The following DLC1 variants were observed in gnomAD, a reference collection of about 807,000 sequenced individuals.
The protein encoded by DLC1 is DLC1 Rho GTPase activating protein.
In DLC1, 54 loss-of-function variants were observed where a neutral mutation model predicts 140.3. That is an observed-to-expected ratio of 0.38 (90% CI 0.31 to 0.48). DLC1 has a LOEUF of 0.48. Ranked by LOEUF, DLC1 falls within the 20% of genes least tolerant of loss-of-function variation. DLC1 has a pLI of 0.96. For synonymous variants in DLC1, 986 were observed against 728.1 expected, an observed-to-expected ratio of 1.35 and a Z score of -5.70; for missense variants, 2,536 against 1,907.0, an observed-to-expected ratio of 1.33 and a Z score of -6.14.
chr8:13,439,842 A>C (rs1456702098), intron 2 of DLC1, among the ~76,000 whole-genome samples: 1 of 152,082 alleles, frequency 6.6e-6, no homozygotes, highest in African/African-American at 2.4e-5. Flanking sequence ...TTCACTACTC[A>C]TCTGTGATGA....
Position 13,566,857 on chromosome 8 carries a change from G to A in DLC1, c.-126+37680C>T, listed in dbSNP as rs1013552353. The A allele has an allele frequency of 1.7e-5, 20 of 1,167,908 alleles. No individual in the cohort carries two copies. The Admixed American group carries it at 2.3e-4, about 13-fold the overall frequency. The allele number at this position is 1,167,908 out of a possible 1,614,324, so 72.3% of individuals were successfully genotyped here. ...CCCGCGTTGCCAAGACAGCTGGGAAGGCGTCTCCCGGAAGACGACCTCCGC... is the reference window on the plus strand; with the variant it reads ...CCCGCGTTGCCAAGACAGCTGGGAAAGCGTCTCCCGGAAGACGACCTCCGC... On this transcript the variant is annotated intron_variant, in intron 1 of 1. Coordinates refer to the DLC1 transcript ENST00000631382.
intron 2 of DLC1, among the ~76,000 whole-genome samples, chr8:13,420,675 G>C (rs921084130): frequency 6.6e-6 from 1 of 152,078 alleles, no homozygotes; most frequent in Non-Finnish European, 1.5e-5. Flanking sequence ...CTGTTCCTGA[G>C]TTAGTTTGCT....
intron 5 of DLC1, among the ~76,000 whole-genome samples, chr8:13,169,248 C>G (rs974743752): frequency 1.1e-4 from 17 of 152,158 alleles, no homozygotes; most frequent in African/African-American, 3.6e-4. Context: ...AGATACTATC[C>G]TGAATGTAAT....
chr8:13,600,233 G>A (rs1805829989), intron 1 of DLC1, among the ~76,000 whole-genome samples: 1 of 151,900 alleles, frequency 6.6e-6, no homozygotes, highest in Admixed American at 6.6e-5. Flanking sequence ...CTGTTTCTCA[G>A]ATAGTCTTTT....
At chr8:13,444,467 T>C (rs1439800537) in intron 2 of DLC1, among the ~76,000 whole-genome samples, 5 of 152,146 alleles carry the variant, frequency 3.3e-5, no homozygotes, top group Non-Finnish European at 7.3e-5. Context: ...AAAGAATTCC[T>C]GGTTTTAAGA....
At chr8:13,402,923 A>C (rs543804357) in intron 2 of DLC1, among the ~76,000 whole-genome samples, 6 of 152,338 alleles carry the variant, frequency 3.9e-5, no homozygotes, top group East Asian at 1.9e-4. Context: ...CAGATTGTTA[A>C]TATTACACAG....
intron 5 of DLC1, among the ~76,000 whole-genome samples, chr8:13,217,932 T>C (rs1462117200): frequency 6.6e-6 from 1 of 152,138 alleles, no homozygotes; most frequent in African/African-American, 2.4e-5. Context: ...TTGCGTCCTC[T>C]TTGATTCCTT....
chr8:13,146,524 C>A (rs918445301), intron 5 of DLC1, among the ~76,000 whole-genome samples: 7 of 151,428 alleles, frequency 4.6e-5, no homozygotes, highest in African/African-American at 1.7e-4. Context: ...ATTGTCAAAG[C>A]CAAATAATAT....
At chr8:13,542,695 G>A (rs1163252954) in intron 1 of DLC1, among the ~76,000 whole-genome samples, 2 of 151,918 alleles carry the variant, frequency 1.3e-5, no homozygotes, top group Non-Finnish European at 2.9e-5. Flanking sequence ...TCAGTTTGTA[G>A]GCCTTACATA....
intron 1 of DLC1, among the ~76,000 whole-genome samples, chr8:13,564,854 G>A (rs1012199307): frequency 9.9e-5 from 15 of 152,174 alleles, no homozygotes; most frequent in African/African-American, 3.1e-4. Context: ...AGCAAGGTTA[G>A]GCCAAGAGAG....
chr8:13,109,746 G>T (rs560308254), intron 7 of DLC1, among the ~76,000 whole-genome samples: 1 of 151,746 alleles, frequency 6.6e-6, no homozygotes, highest in Non-Finnish European at 1.5e-5. Flanking sequence ...TTAGCTGGGC[G>T]TGATGGTGGG....
intron 5 of DLC1, among the ~76,000 whole-genome samples, chr8:13,236,357 G>T (rs772414644): frequency 6.6e-6 from 1 of 151,918 alleles, no homozygotes; most frequent in Non-Finnish European, 1.5e-5. Context: ...AGTGAATAGC[G>T]CTATTGTACT....
chr8:13,456,513 G>A (rs1042580059), intron 2 of DLC1, among the ~76,000 whole-genome samples: 9 of 151,652 alleles, frequency 5.9e-5, no homozygotes, highest in South Asian at 2.1e-4. Context: ...AGAGTGGAGC[G>A]CAGGGCTGGA....
chr8:13,404,858 TAGAC>T (rs1837453736), intron 2 of DLC1, among the ~76,000 whole-genome samples: 1 of 151,928 alleles, frequency 6.6e-6, no homozygotes, highest in African/African-American at 2.4e-5. Flanking sequence ...TTTTAAAAAA[TAGAC>T]AGGCATGGTA....
intron 1 of DLC1, among the ~76,000 whole-genome samples, chr8:13,599,138 T>C (rs1007405249): frequency 4.6e-5 from 7 of 151,794 alleles, no homozygotes; most frequent in Non-Finnish European, 1.0e-4. Flanking sequence ...TCTGCTTATA[T>C]GGGAAGACAC....
At chr8:13,471,648 A>G (rs1004114723) in intron 2 of DLC1, among the ~76,000 whole-genome samples, 2 of 152,100 alleles carry the variant, frequency 1.3e-5, no homozygotes, top group African/African-American at 2.4e-5. Context: ...GAGTTTACCT[A>G]TGTAACAAAC....
chr8:13,581,008 T>G (rs1030456616), intron 1 of DLC1, among the ~76,000 whole-genome samples: 6 of 152,172 alleles, frequency 3.9e-5, no homozygotes, highest in Admixed American at 6.5e-5. Flanking sequence ...CTTTCCCCCA[T>G]GTAGGGCAGG....
intron 7 of DLC1, 65 bp from the exon 8 acceptor site, chr8:13,102,918 C>T: frequency 7.4e-7 from 1 of 1,358,630 alleles, no homozygotes; most frequent in South Asian, 1.2e-5. Flanking sequence ...GGATAAACAC[C>T]TGTTTTTAAA....
intron 2 of DLC1, among the ~76,000 whole-genome samples, chr8:13,432,893 A>G (rs936478945): frequency 2.7e-5 from 4 of 149,896 alleles, no homozygotes; most frequent in Non-Finnish European, 5.9e-5. Context: ...GTGGTGCTCT[A>G]CTGCTGGGGA....
Sources: gnomAD v4.1 joint callset for allele counts (sites outside exome capture counted in the v4.1 genomes callset) on GRCh38, gnomAD v4.1.1 for gene constraint, MANE v1.5 for transcripts, NCBI Gene and HGNC (gene_info 2026-07-23, HGNC 2026-07-21) for gene names.